The following TOM1L1 variants were observed in gnomAD, a reference collection of about 807,000 sequenced individuals.
TOM1L1 encodes TOM1-like protein 1.
A neutral mutation model predicts 63.4 loss-of-function variants in TOM1L1; 64 were observed. The observed-to-expected ratio is 1.01, with a 90% CI of 0.83 to 1.24. TOM1L1 has a LOEUF of 1.24. TOM1L1 is among the 50% of genes most tolerant of loss of function. TOM1L1 has a pLI of 0.00. For synonymous variants in TOM1L1, 166 were observed against 194.4 expected, an observed-to-expected ratio of 0.85 and a Z score of 1.22; for missense variants, 536 against 567.0, an observed-to-expected ratio of 0.95 and a Z score of 0.55.
intron 15 of TOM1L1, 100 bp downstream of exon 15, chr17:54,960,727 T>A: frequency 1.2e-6 from 1 of 852,628 alleles, no homozygotes; most frequent in Admixed American, 2.0e-5. Context: ...AAGGGCCATC[T>A]GAGTCTGACA....
chr17:54,941,969 T>G (rs1427106619), intron 11 of TOM1L1, among the ~76,000 whole-genome samples: 2 of 152,214 alleles, frequency 1.3e-5, no homozygotes, highest in Non-Finnish European at 2.9e-5. Flanking sequence ...TGTCTTATAA[T>G]GTTGAGATTT....
At chr17:54,918,942 A>G (rs1406341979) in intron 7 of TOM1L1, among the ~76,000 whole-genome samples, 2 of 152,184 alleles carry the variant, frequency 1.3e-5, no homozygotes, top group Non-Finnish European at 2.9e-5. Context: ...GAAATGAATC[A>G]GTATTTTGGA....
At chr17:54,936,299 AT>A (rs2048945244) in intron 8 of TOM1L1, 1 of 177,976 alleles carries the variant, frequency 5.6e-6, no homozygotes, top group Non-Finnish European at 1.2e-5. Flanking sequence ...AGCTAGAAAA[AT>A]TCTCACAGCA....
Position 54,958,748 on chromosome 17 carries a change from A to AAAAGG in TOM1L1, c.1371-1818_1371-1817insAAAGG, listed in dbSNP as rs372776781. 3.3e-3 allele frequency among the ~76,000 whole-genome samples: 388 copies of AAAAGG among 118,924 alleles called. 14 individuals are homozygous for AAAAGG. The highest frequency in any genetic ancestry group is 7.1e-3 in the African/African-American group (230 of 32,182). The allele number at this position is 118,924 out of a possible 152,430, so 78.0% of individuals were successfully genotyped here. On this transcript the variant is annotated intron_variant, in intron 14 of 15. Coordinates refer to ENST00000575882, the MANE Select transcript of TOM1L1 (RefSeq NM_005486.3). The stretch of plus-strand genomic sequence containing the variant: ...TCCATCTCAAAAAAAAAAAAAAAAA[A>AAAAGG]GGGGTTGTTGGTAGCTAGAGGATAC...
At chr17:54,925,352 C>T (rs550686397) in intron 7 of TOM1L1, among the ~76,000 whole-genome samples, 5 of 152,312 alleles carry the variant, frequency 3.3e-5, no homozygotes, top group Admixed American at 3.3e-4. Context: ...CCTCATTCTC[C>T]TTCCTTCCTC....
chr17:54,909,191 G>A (rs1400156559), intron 3 of TOM1L1, among the ~76,000 whole-genome samples: 2 of 152,166 alleles, frequency 1.3e-5, no homozygotes, highest in African/African-American at 2.4e-5. Flanking sequence ...CCCAGGAGGC[G>A]GAGGTTGCAG....
At chr17:54,916,766 TTCTTAGATA>T (rs1270370824) in intron 7 of TOM1L1, 1 of 152,222 alleles carries the variant, frequency 6.6e-6, no homozygotes, top group Non-Finnish European at 1.5e-5. Context: ...CCAACAATGT[TTCTTAGATA>T]TCACTGCTGT....
intron 7 of TOM1L1, among the ~76,000 whole-genome samples, chr17:54,921,613 C>A (rs2048685235): frequency 6.6e-6 from 1 of 152,042 alleles, no homozygotes; most frequent in African/African-American, 2.4e-5. Flanking sequence ...TGGTGGGCGC[C>A]TATAATCCCA....
intron 1 of TOM1L1, chr17:54,901,395 A>T (rs2048324758): frequency 1.3e-5 from 2 of 159,650 alleles, no homozygotes; most frequent in Admixed American, 1.2e-4. Context: ...TCTAGTGCCA[A>T]GCTTATACAA....
At chr17:54,909,925 A>T (rs1213044990) in intron 3 of TOM1L1, among the ~76,000 whole-genome samples, 2 of 152,240 alleles carry the variant, frequency 1.3e-5, no homozygotes, top group Non-Finnish European at 2.9e-5. Flanking sequence ...CGTAGGTTTT[A>T]TTACTTATCT....
chr17:54,950,091 G>A lies in TOM1L1; in HGVS notation c.1335G>A (p.Met445Ile). Residue 445 changes from methionine (M) to isoleucine (I), a missense_variant, in exon 14 of 16, where the codon ATG (methionine) becomes ATA (isoleucine). Transcript: ENST00000575882. ...AGCCACCTAATTACTACGAGGTAAT[G>A]GAGTTTGATCCCTTAGCTCCTGCTG... Reference protein sequence around the residue: ...DLQPPNYYEVMEFDPLAPAVT... With the variant: ...DLQPPNYYEVIEFDPLAPAVT... The A allele has an allele frequency of 6.2e-7, 1 of 1,613,944 alleles. No individual in the cohort carries two copies. The highest frequency in any genetic ancestry group is 8.5e-7 in the Non-Finnish European group (1 of 1,179,910).
chr17:54,930,414 T>C, intron 8 of TOM1L1: 1 of 552,912 alleles, frequency 1.8e-6, no homozygotes, highest in South Asian at 2.8e-5. Context: ...CTAGTTAAAG[T>C]GACATTTCAG....
Position 54,929,741 on chromosome 17 carries a change from G to GTTTTTTTT in TOM1L1, c.721-324_721-317dup, listed in dbSNP as rs61518775. 4.9e-5 allele frequency among the ~76,000 whole-genome samples: 7 copies of GTTTTTTTT among 142,014 alleles called. 1 individual carries two copies. Among genetic ancestry groups the GTTTTTTTT allele is most frequent in the African/African-American group, 2.6e-5 (1 of 38,524 alleles). 93.2% of individuals were successfully genotyped at this position (142,014 alleles called of 152,430 possible). A position where few individuals can be genotyped will look rare whatever the true frequency, so the allele number is the denominator to read the frequency against. ...GAAAACTGAGATTTAAAAAACATGTGTTTTTTTTTTTTTTTCCCCAACATG... is the reference window on the plus strand; with the variant it reads ...GAAAACTGAGATTTAAAAAACATGTGTTTTTTTTTTTTTTTTTTTTTTTCCCCAACATG... On this transcript the variant is annotated intron_variant, in intron 7 of 15. Coordinates refer to ENST00000575882, the MANE Select transcript of TOM1L1 (RefSeq NM_005486.3).
At chr17:54,940,197 A>G (rs2049013838) in intron 11 of TOM1L1, among the ~76,000 whole-genome samples, 1 of 152,324 alleles carries the variant, frequency 6.6e-6, no homozygotes, top group South Asian at 2.1e-4. Flanking sequence ...GCACCCAGCC[A>G]TCAGGTTTTC....
chr17:54,932,704 A>G (rs2048883557), intron 8 of TOM1L1, among the ~76,000 whole-genome samples: 1 of 152,180 alleles, frequency 6.6e-6, no homozygotes, highest in South Asian at 2.1e-4. Context: ...TACAGGCGTG[A>G]GCCACCGCGC....
chr17:54,908,931 T>G (rs2048454803), intron 3 of TOM1L1, among the ~76,000 whole-genome samples: 1 of 152,186 alleles, frequency 6.6e-6, no homozygotes, highest in African/African-American at 2.4e-5. Context: ...AAGAAAAAGC[T>G]TGGTTTATTC....
intron 1 of TOM1L1, chr17:54,901,126 C>T (rs979062088): frequency 1.5e-6 from 1 of 677,874 alleles, no homozygotes; most frequent in African/African-American, 1.8e-5. Flanking sequence ...TGTAGAACCT[C>T]AGTCCTCAAA....
intron 14 of TOM1L1, chr17:54,956,718 T>G (rs1389733038): frequency 6.6e-6 from 1 of 152,092 alleles, no homozygotes; most frequent in Non-Finnish European, 1.5e-5. Flanking sequence ...GTGCTGGGAT[T>G]ATAGGCATGA....
At chr17:54,948,212 C>T (rs2143951043) in intron 12 of TOM1L1, among the ~76,000 whole-genome samples, 1 of 152,298 alleles carries the variant, frequency 6.6e-6, no homozygotes, top group South Asian at 2.1e-4. Flanking sequence ...CCTGTTTCAA[C>T]CTTTGCCTCC....
Sources: gnomAD v4.1 joint callset for allele counts (sites outside exome capture counted in the v4.1 genomes callset) on GRCh38, gnomAD v4.1.1 for gene constraint, MANE v1.5 for transcripts, NCBI Gene and HGNC (gene_info 2026-07-23, HGNC 2026-07-21) for gene names.